BRD4: variants seen among roughly 807,000 people sequenced by gnomAD.
BRD4 encodes the protein bromodomain-containing protein 4.
BRD4 carries 16 observed loss-of-function variants against 142.1 expected under a neutral mutation model. That is an observed-to-expected ratio of 0.11 (90% CI 0.08 to 0.17). BRD4 has a LOEUF of 0.17. Ranked by LOEUF, BRD4 falls within the 10% of genes least tolerant of loss-of-function variation. BRD4 has a pLI of 1.00. For missense variants in BRD4, 1,424 were observed against 1,810.9 expected (o/e 0.79, Z 3.88); for synonymous variants, 833 against 707.5 (o/e 1.18, Z -2.82).
At chr19:15,272,768 AGAC>A in intron 2 of BRD4, 44 bp downstream of exon 2, 1 of 1,558,966 alleles carries the variant, frequency 6.4e-7, no homozygotes, top group Non-Finnish European at 8.7e-7. Context: ...GACATGCAGG[AGAC>A]GACCTCCAGG....
intron 1 of BRD4, among the ~76,000 whole-genome samples, chr19:15,330,471 T>C (rs2048147468): frequency 6.6e-6 from 1 of 152,160 alleles, no homozygotes; most frequent in African/African-American, 2.4e-5. Context: ...AAATGCTTTA[T>C]GAAATTATTG....
intron 1 of BRD4, among the ~76,000 whole-genome samples, chr19:15,300,413 G>C (rs1013835881): frequency 9.9e-5 from 15 of 151,708 alleles, no homozygotes; most frequent in African/African-American, 3.6e-4. Flanking sequence ...CAAAAAGCCA[G>C]GTGTGGCGGT....
At chr19:15,310,507 C>T (rs2047960559) in intron 1 of BRD4, among the ~76,000 whole-genome samples, 1 of 151,728 alleles carries the variant, frequency 6.6e-6, no homozygotes, top group African/African-American at 2.4e-5. Flanking sequence ...ACTACAGGTG[C>T]CCACCACCAC....
chr19:15,248,453 A>G (rs1475001318), intron 11 of BRD4: 5 of 218,624 alleles, frequency 2.3e-5, no homozygotes, highest in African/African-American at 9.0e-5. Flanking sequence ...GGTTGGGGGG[A>G]TGATAGGCCC....
At chr19:15,309,065 G>A (rs370579383) in intron 1 of BRD4, among the ~76,000 whole-genome samples, 14 of 151,128 alleles carry the variant, frequency 9.3e-5, no homozygotes, top group Admixed American at 7.3e-4. Flanking sequence ...GGCCGGGTGC[G>A]GTGGCTCACA....
At chr19:15,314,514 G>A (rs1482831564) in intron 1 of BRD4, among the ~76,000 whole-genome samples, 3 of 152,114 alleles carry the variant, frequency 2.0e-5, no homozygotes, top group African/African-American at 7.2e-5. Flanking sequence ...GTCCTATTGG[G>A]AGGAGCCCTC....
chr19:15,241,554 C>T (rs563708645), intron 14 of BRD4, among the ~76,000 whole-genome samples: 9 of 152,336 alleles, frequency 5.9e-5, no homozygotes, highest in South Asian at 2.1e-4. Flanking sequence ...GCTTGGGTCA[C>T]GGCCAGGGAC....
chr19:15,324,381 T>C (rs536705221), intron 1 of BRD4, among the ~76,000 whole-genome samples: 4 of 152,240 alleles, frequency 2.6e-5, no homozygotes, highest in Non-Finnish European at 5.9e-5. Context: ...AAGGCAACCT[T>C]TGTGGAACCG....
At chr19:15,263,590 G>A in intron 6 of BRD4, 42 bp from the exon 7 acceptor site, 2 of 1,608,190 alleles carry the variant, frequency 1.2e-6, no homozygotes, top group Non-Finnish European at 1.7e-6. Context: ...GTCTGCCCAT[G>A]TGACCATGGA....
intron 1 of BRD4, among the ~76,000 whole-genome samples, chr19:15,277,316 G>A (rs775581846): frequency 6.6e-6 from 1 of 152,154 alleles, no homozygotes; most frequent in Non-Finnish European, 1.5e-5. Context: ...AGCAAGGTTA[G>A]ACAATGCTGT....
At chr19:15,283,628 T>C (rs577718629) in intron 1 of BRD4, among the ~76,000 whole-genome samples, 2 of 152,202 alleles carry the variant, frequency 1.3e-5, no homozygotes, top group Admixed American at 6.5e-5. Flanking sequence ...CACACAGTCC[T>C]GTTATGTGTA....
At chr19:15,332,063 G>A (rs943612042) in intron 1 of BRD4, among the ~76,000 whole-genome samples, 4 of 144,086 alleles carry the variant, frequency 2.8e-5, no homozygotes, top group Admixed American at 6.9e-5. Context: ...GAGCGACCCC[G>A]CCGCCCCGAC....
At chr19:15,315,056 A>C (rs1200471562) in intron 1 of BRD4, among the ~76,000 whole-genome samples, 1 of 152,212 alleles carries the variant, frequency 6.6e-6, no homozygotes, top group Non-Finnish European at 1.5e-5. Context: ...TGCTGTAGTC[A>C]TCTATTCTAT....
Position 15,237,631 on chromosome 19 carries a change from G to GAAA in BRD4, c.*743_*745dup. The GAAA allele has an allele frequency of 1.6e-5, 3 of 185,506 alleles. No homozygotes were observed. Among genetic ancestry groups the GAAA allele is most frequent in the Non-Finnish European group, 3.3e-5 (3 of 91,822 alleles). The allele number at this position is 185,506 out of a possible 1,614,324, so 11.5% of individuals were successfully genotyped here. Reference sequence around the variant, plus strand: ...ACAAAAAATATATATAGAAAAAAAAGAAAAAAAAAAACGAAACAGAAACAC... The same window carrying GAAA: ...ACAAAAAATATATATAGAAAAAAAAGAAAAAAAAAAAAAACGAAACAGAAACAC... On this transcript the variant is annotated 3_prime_UTR_variant, in exon 20 of 20. Coordinates refer to ENST00000679869, the MANE Select transcript of BRD4 (RefSeq NM_001379291.1).
In BRD4 at chr19:15,237,342, A is replaced by G. The variant is rs1232547294; in HGVS notation, c.*1035T>C. 4.6e-6 allele frequency: 1 copy of G among 215,740 alleles called. No individual in the cohort carries two copies. The highest frequency in any genetic ancestry group is 2.3e-5 in the African/African-American group (1 of 43,916). The allele number at this position is 215,740 out of a possible 1,614,324, so 13.4% of individuals were successfully genotyped here. A position where few individuals can be genotyped will look rare whatever the true frequency, so the allele number is the denominator to read the frequency against. On this transcript the variant is annotated 3_prime_UTR_variant, in exon 20 of 20. Coordinates refer to ENST00000679869, the MANE Select transcript of BRD4 (RefSeq NM_001379291.1). ...TAAAGTTTGAAACTGAGTAAAATAT[A>G]GGCAGGATTTTTTTTGTGTGTTTTG...
chr19:15,275,003 C>T (rs577638277), intron 1 of BRD4, among the ~76,000 whole-genome samples: 31 of 151,978 alleles, frequency 2.0e-4, no homozygotes, highest in Admixed American at 1.9e-3. Flanking sequence ...GGATTACAGG[C>T]GTGTGCCACC....
chr19:15,329,229 G>T (rs1292260267), intron 1 of BRD4, among the ~76,000 whole-genome samples: 1 of 152,066 alleles, frequency 6.6e-6, no homozygotes, highest in Non-Finnish European at 1.5e-5. Context: ...AAAGATTTAT[G>T]AAACATTAGG....
At chr19:15,300,314 C>T (rs11670290) in intron 1 of BRD4, among the ~76,000 whole-genome samples, 21,122 of 151,982 alleles carry the variant, frequency 0.14, 1,701 homozygotes, top group Middle Eastern at 0.2. Flanking sequence ...GTAATCCCAG[C>T]ACTTTAGCAG....
intron 7 of BRD4, among the ~76,000 whole-genome samples, chr19:15,258,633 C>G (rs1299892397): frequency 6.6e-6 from 1 of 151,932 alleles, no homozygotes; most frequent in Non-Finnish European, 1.5e-5. Context: ...GGAGATAGGG[C>G]CTTGCTCTGT....
Sources: gnomAD v4.1 joint callset for allele counts (sites outside exome capture counted in the v4.1 genomes callset) on GRCh38, gnomAD v4.1.1 for gene constraint, MANE v1.5 for transcripts, NCBI Gene and HGNC (gene_info 2026-07-23, HGNC 2026-07-21) for gene names.